UNC79: variants seen among roughly 807,000 people sequenced by gnomAD.
The protein encoded by UNC79 is unc-79 subunit of NALCN channel complex.
Under a neutral mutation model 283.1 loss-of-function variants are expected in UNC79, and 37 were observed. That is an observed-to-expected ratio of 0.13 (90% CI 0.10 to 0.17). The LOEUF is 0.17. Ranked by LOEUF, UNC79 falls within the 10% of genes least tolerant of loss-of-function variation. The pLI is 1.00. For synonymous variants in UNC79, 1,107 were observed against 1,200.2 expected (o/e 0.92, Z 1.61); for missense variants, 2,272 against 3,211.1 (o/e 0.71, Z 7.07).
In UNC79 at chr14:93,517,900, AGT is replaced by A. The variant is rs796145577; in HGVS notation, c.899-6061_899-6060del. On this transcript the variant is annotated intron_variant, in intron 7 of 48. Transcript: ENST00000555664. Reference sequence around the variant, plus strand: ...TCCATTTGGTCCATATGTATATGTGAGTGTGTGTGTGTGTGTGTCTGTGTGTG... The same window carrying A: ...TCCATTTGGTCCATATGTATATGTGAGTGTGTGTGTGTGTGTCTGTGTGTG... Among the ~76,000 whole-genome samples, 6 of 110,488 alleles carry A rather than the reference AGT, an allele frequency of 5.4e-5. No individual in the cohort carries two copies. In the South Asian group the frequency reaches 9.0e-4, roughly 17 times the overall value. 72.5% of individuals were successfully genotyped at this position (110,488 alleles called of 152,430 possible). A position where few individuals can be genotyped will look rare whatever the true frequency, so the allele number is the denominator to read the frequency against.
chr14:93,621,174 GTA>G lies in UNC79; in HGVS notation c.4388-436_4388-435del, dbSNP rs989415407. The G allele has an allele frequency of 1.2e-4, 40 of 339,638 alleles. No individual in the cohort carries two copies. The highest frequency in any genetic ancestry group is 1.8e-4 in the Non-Finnish European group (31 of 172,432). 21.0% of individuals were successfully genotyped at this position (339,638 alleles called of 1,614,324 possible). ...ATTTATATATATGTATGCACAAACA[GTA>G]TATATATATACACATTTATATATAT... On this transcript the variant is annotated intron_variant, in intron 29 of 48. Coordinates refer to ENST00000555664, the Ensembl canonical transcript of UNC79. The surrounding 1 kb of genome is among the most constrained non-coding windows in gnomAD (Gnocchi z 4.8).
intron 1 of UNC79, among the ~76,000 whole-genome samples, chr14:93,371,864 C>T (rs578216025): frequency 6.6e-6 from 1 of 151,758 alleles, no homozygotes; most frequent in African/African-American, 2.4e-5. Context: ...AAAAAAACAA[C>T]TGACTTCTCA....
chr14:93,654,020 C>T (rs774596793), exon 37 of UNC79: 1 of 1,614,072 alleles, frequency 6.2e-7, no homozygotes, highest in Admixed American at 1.7e-5. Context: ...CAGTCAGCTC[C>T]TAGAGGTGGG....
chr14:93,644,812 T>C (rs2069422512), intron 34 of UNC79, among the ~76,000 whole-genome samples: 1 of 152,238 alleles, frequency 6.6e-6, no homozygotes, highest in African/African-American at 2.4e-5. Context: ...AGTGTATGGC[T>C]TTCTTATCCT....
rs1566898046 is a variant in UNC79, at chr14:93,371,808, C to CATT, written c.-351+38285_-351+38286insATT. Among the ~76,000 whole-genome samples the CATT allele has an allele frequency of 7.9e-4, 120 of 151,878 alleles. 2 individuals are homozygous for CATT. The highest frequency in any genetic ancestry group is 6.8e-3 in the Middle Eastern group (2 of 294). ...GTAAGCCCAGATGCACAACTGCACTCCAGCCTAGGGGAAAGATCGAGACTC... is the reference window on the plus strand; with the variant it reads ...GTAAGCCCAGATGCACAACTGCACTCATTCAGCCTAGGGGAAAGATCGAGACTC... On this transcript the variant is annotated intron_variant, in intron 1 of 49. Coordinates refer to the UNC79 transcript ENST00000256339.
chr14:93,340,644 C>T (rs1181934039), intron 1 of UNC79, among the ~76,000 whole-genome samples: 1 of 150,762 alleles, frequency 6.6e-6, no homozygotes, highest in Non-Finnish European at 1.5e-5. Context: ...GATTATAGCT[C>T]ACTGCAGTCT....
chr14:93,535,390 G>A (rs1378799180), intron 11 of UNC79, among the ~76,000 whole-genome samples: 1 of 152,178 alleles, frequency 6.6e-6, no homozygotes, highest in African/African-American at 2.4e-5. Context: ...AATAAAGCAG[G>A]TTGACTTTTA....
chr14:93,459,969 C>T (rs1353672804), intron 1 of UNC79, among the ~76,000 whole-genome samples: 2 of 117,582 alleles, frequency 1.7e-5, no homozygotes, highest in Admixed American at 1.8e-4. Flanking sequence ...CGCGCCCGGC[C>T]CTATATATTT....
At chr14:93,345,738 A>G (rs11622958) in intron 1 of UNC79, among the ~76,000 whole-genome samples, 11,206 of 152,044 alleles carry the variant, frequency 0.074, 873 homozygotes, top group African/African-American at 0.19. Flanking sequence ...GAACAAAGAA[A>G]ACAGAGAAGC....
At chr14:93,400,098 G>A (rs1435249216) in intron 1 of UNC79, among the ~76,000 whole-genome samples, 1 of 152,146 alleles carries the variant, frequency 6.6e-6, no homozygotes, top group African/African-American at 2.4e-5. Flanking sequence ...CTCTTCCTAT[G>A]ACCAACTGGC....
At chr14:93,546,099 G>T (rs2061588538) in intron 14 of UNC79, among the ~76,000 whole-genome samples, 2 of 152,190 alleles carry the variant, frequency 1.3e-5, no homozygotes, top group South Asian at 4.1e-4. Context: ...CCAATCTTAG[G>T]TTCTATCATA....
intron 1 of UNC79, among the ~76,000 whole-genome samples, chr14:93,340,608 T>A (rs1303488807): frequency 6.6e-6 from 1 of 151,522 alleles, no homozygotes; most frequent in Non-Finnish European, 1.5e-5. Context: ...TATCACTCTG[T>A]TTCCCAGGCT....
intron 1 of UNC79, among the ~76,000 whole-genome samples, chr14:93,464,204 C>T (rs2057069045): frequency 6.6e-6 from 1 of 152,178 alleles, no homozygotes; most frequent in African/African-American, 2.4e-5. Flanking sequence ...TATTAGTTTG[C>T]TCCAGCTGCC....
intron 40 of UNC79, among the ~76,000 whole-genome samples, chr14:93,666,905 A>G (rs1241295947): frequency 6.6e-6 from 1 of 152,130 alleles, no homozygotes; most frequent in Non-Finnish European, 1.5e-5. Flanking sequence ...AAACAGATAT[A>G]CCAGCCTGGG....
At chr14:93,581,676 T>A (rs2063826923) in intron 19 of UNC79, among the ~76,000 whole-genome samples, 1 of 151,828 alleles carries the variant, frequency 6.6e-6, no homozygotes, top group African/African-American at 2.4e-5. Context: ...GTATTTTTAG[T>A]AGAGACGGGG....
intron 4 of UNC79, among the ~76,000 whole-genome samples, chr14:93,481,314 C>T (rs1463079812): frequency 1.3e-5 from 2 of 152,038 alleles, no homozygotes; most frequent in African/African-American, 2.4e-5. Context: ...AAGTCATTTG[C>T]ATGTCACCAT....
intron 1 of UNC79, among the ~76,000 whole-genome samples, chr14:93,339,782 A>T (rs2139874415): frequency 6.6e-6 from 1 of 152,258 alleles, no homozygotes; most frequent in Admixed American, 6.5e-5. Context: ...AACCCCTTTT[A>T]CTATTTTCTT....
intron 1 of UNC79, chr14:93,397,244 T>C (rs2140020391): frequency 6.6e-6 from 1 of 152,290 alleles, no homozygotes; most frequent in African/African-American, 2.4e-5. Flanking sequence ...CAGGTATGAA[T>C]TTAAACAGTT....
intron 5 of UNC79, among the ~76,000 whole-genome samples, chr14:93,490,951 A>G (rs1435277934): frequency 5.3e-5 from 8 of 152,196 alleles, no homozygotes; most frequent in Admixed American, 3.9e-4. Flanking sequence ...TTGGGTTGCT[A>G]TAACAAAAAT....
Sources: allele counts gnomAD v4.1 joint callset (sites outside exome capture counted in the v4.1 genomes callset), GRCh38; gene constraint gnomAD v4.1.1; non-coding constraint Gnocchi (gnomAD v3.1); transcripts MANE v1.5; gene names NCBI Gene and HGNC (gene_info 2026-07-23, HGNC 2026-07-21).